Variants in CHMP5 observed in about 807,000 individuals in gnomAD.
CHMP5 encodes charged multivesicular body protein 5.
A neutral mutation model predicts 33.0 loss-of-function variants in CHMP5; 17 were observed. The ratio of observed to expected loss-of-function variants is 0.52; its 90% CI spans 0.35 to 0.77. The LOEUF (loss-of-function observed/expected upper bound fraction) is 0.77, where lower values mean the gene tolerates loss of function less well. CHMP5 is among the 30% of genes least tolerant of loss of function. The pLI is 0.01. For synonymous variants in CHMP5, 76 were observed against 90.2 expected (o/e 0.84, Z 0.89); for missense variants, 216 against 261.5 (o/e 0.83, Z 1.20).
intron 2 of CHMP5, 65 bp downstream of exon 2, chr9:33,266,179 A>G (rs1406854872): frequency 1.8e-6 from 2 of 1,109,424 alleles, no homozygotes; most frequent in Non-Finnish European, 2.7e-6. Flanking sequence ...CTATAGAAAT[A>G]GGGCCTAGTT....
chr9:33,268,884 T>C (rs535781534), intron 3 of CHMP5, among the ~76,000 whole-genome samples: 4 of 152,358 alleles, frequency 2.6e-5, no homozygotes, highest in African/African-American at 9.6e-5. Flanking sequence ...ATATAACTTT[T>C]TAGAAGAAAT....
chr9:33,273,553 C>T (rs1040721563), intron 5 of CHMP5, among the ~76,000 whole-genome samples: 16 of 151,998 alleles, frequency 1.1e-4, no homozygotes, highest in African/African-American at 2.4e-5. Context: ...TTGGTTAGAT[C>T]GAATTTTTTG....
intron 2 of CHMP5, 70 bp from the exon 3 acceptor site, chr9:33,267,783 C>A: frequency 1.0e-6 from 1 of 985,634 alleles, no homozygotes; most frequent in Non-Finnish European, 1.6e-6. Context: ...GAGTTTGAGG[C>A]TATGGGAAAT....
intron 7 of CHMP5, among the ~76,000 whole-genome samples, chr9:33,278,985 G>A (rs573227016): frequency 8.0e-4 from 121 of 152,100 alleles, no homozygotes; most frequent in South Asian, 4.6e-3. Context: ...GTGCAGTGGC[G>A]TGATCTCAGC....
At chr9:33,274,077 C>T (rs1370784171) in intron 5 of CHMP5, among the ~76,000 whole-genome samples, 3 of 151,774 alleles carry the variant, frequency 2.0e-5, no homozygotes, top group Non-Finnish European at 2.9e-5. Flanking sequence ...TTATGGGGGC[C>T]AGGAAGGAAT....
At chr9:33,270,835 A>G in intron 4 of CHMP5, 119 bp downstream of exon 4, 1 of 807,494 alleles carries the variant, frequency 1.2e-6, no homozygotes, top group South Asian at 1.6e-5. Flanking sequence ...TAATCCCAAC[A>G]CTTTGGGAGG....
intron 3 of CHMP5, among the ~76,000 whole-genome samples, chr9:33,270,370 T>G (rs752506603): frequency 6.6e-6 from 1 of 152,174 alleles, no homozygotes; most frequent in Non-Finnish European, 1.5e-5. Context: ...AACATATTTC[T>G]CAGAACATAT....
chr9:33,279,287 C>T (rs1422659501), intron 7 of CHMP5, among the ~76,000 whole-genome samples: 1 of 152,136 alleles, frequency 6.6e-6, no homozygotes, highest in Non-Finnish European at 1.5e-5. Context: ...CTTTTTGAAC[C>T]TCATCAGTTT....
intron 5 of CHMP5, among the ~76,000 whole-genome samples, chr9:33,272,679 C>T (rs888846826): frequency 6.6e-6 from 1 of 152,150 alleles, no homozygotes; most frequent in East Asian, 1.9e-4. Flanking sequence ...TGGTGTGTGC[C>T]TGTAGTCCCA....
intron 7 of CHMP5, 52 bp downstream of exon 7, chr9:33,278,277 C>T: frequency 1.9e-6 from 2 of 1,064,196 alleles, no homozygotes; most frequent in South Asian, 1.3e-5. Context: ...AGGCTTTATG[C>T]TTGACCATAA....
chr9:33,271,521 G>A (rs1019621628), intron 5 of CHMP5, among the ~76,000 whole-genome samples: 2 of 152,142 alleles, frequency 1.3e-5, no homozygotes, highest in East Asian at 1.9e-4. Flanking sequence ...GAGTATCCAC[G>A]TAACCATTCT....
chr9:33,277,242 T>TCTACTCTA (rs1005525024), intron 6 of CHMP5, among the ~76,000 whole-genome samples: 3 of 147,878 alleles, frequency 2.0e-5, no homozygotes, highest in Non-Finnish European at 3.0e-5. Context: ...TTAGTGTGCA[T>TCTACTCTA]CTACTCTATG....
At chr9:33,268,367 A>C (rs1820753946) in intron 3 of CHMP5, among the ~76,000 whole-genome samples, 1 of 152,198 alleles carries the variant, frequency 6.6e-6, no homozygotes, top group African/African-American at 2.4e-5. Context: ...CTCCCACCAG[A>C]ATAAATTTAA....
rs758181689 is a variant in CHMP5 at position 33,270,634 on chromosome 9, A to C, written c.233A>C (p.Gln78Pro). 1 of 1,614,022 alleles carries C rather than the reference A, an allele frequency of 6.2e-7. No homozygotes were observed. Among genetic ancestry groups the C allele is most frequent in the South Asian group, 1.1e-5 (1 of 91,074 alleles). The change falls in exon 4 of 8, where the codon CAG becomes CCG. Residue 78 changes from glutamine to proline, a missense_variant. Coordinates refer to ENST00000223500, the MANE Select transcript of CHMP5 (RefSeq NM_016410.6). Reference sequence around the variant, plus strand: ...TTGACTCTAAAAAGGTATGAGCAGCAGCGGGACAATCTTGCCCAACAGTCA... The same window carrying C: ...TTGACTCTAAAAAGGTATGAGCAGCCGCGGGACAATCTTGCCCAACAGTCA... ...VLKQKRMYEQ[Q>P]RDNLAQQSFN... is the part of the protein sequence containing the mutation.
At chr9:33,265,900 C>A in intron 1 of CHMP5, 110 bp from the exon 2 acceptor site, 1 of 620,658 alleles carries the variant, frequency 1.6e-6, no homozygotes, top group South Asian at 1.9e-5. Context: ...GTTTTTCACC[C>A]TTCCCCTTAA....
intron 4 of CHMP5, 47 bp from the exon 5 acceptor site, chr9:33,271,105 C>A (rs748458513): frequency 4.5e-5 from 61 of 1,362,324 alleles, no homozygotes; most frequent in Non-Finnish European, 5.9e-5. Context: ...GACAATTTAA[C>A]CAACATGACT....
At chr9:33,266,994 A>G (rs1820735316) in intron 2 of CHMP5, among the ~76,000 whole-genome samples, 1 of 152,222 alleles carries the variant, frequency 6.6e-6, no homozygotes, top group Non-Finnish European at 1.5e-5. Context: ...GAGCCTGGGT[A>G]TCACTGAACC....
intron 3 of CHMP5, among the ~76,000 whole-genome samples, chr9:33,268,535 C>CG (rs1476462990): frequency 6.6e-6 from 1 of 152,192 alleles, no homozygotes; most frequent in African/African-American, 2.4e-5. Flanking sequence ...GAAAGATTGT[C>CG]AGTGTCTCTC....
At chr9:33,269,794 GA>G (rs2118021056) in intron 3 of CHMP5, among the ~76,000 whole-genome samples, 1 of 152,158 alleles carries the variant, frequency 6.6e-6, no homozygotes, top group South Asian at 2.1e-4. Flanking sequence ...GACCAACATG[GA>G]AGAACCCGTC....
Sources: allele counts gnomAD v4.1 joint callset (sites outside exome capture counted in the v4.1 genomes callset), GRCh38; gene constraint gnomAD v4.1.1; transcripts MANE v1.5; gene names NCBI Gene and HGNC (gene_info 2026-07-23, HGNC 2026-07-21).